PIGL: variants seen among roughly 807,000 people sequenced by gnomAD.
The protein encoded by PIGL is phosphatidylinositol glycan anchor biosynthesis class L, also known as N-acetylglucosaminyl-phosphatidylinositol de-N-acetylase.
PIGL carries 22 observed loss-of-function variants against 31.1 expected under a neutral mutation model. That is an observed-to-expected ratio of 0.71 (90% confidence interval 0.51 to 1.01). PIGL has a LOEUF of 1.01. Ranked by LOEUF, PIGL falls within the 50% of genes least tolerant of loss-of-function variation. The pLI, the probability that PIGL is intolerant of heterozygous loss-of-function variation, is 0.00. For missense variants in PIGL, 302 were observed against 315.9 expected (o/e 0.96, Z 0.33); for synonymous variants, 131 against 117.4 (o/e 1.12, Z -0.75).
chr17:16,245,127 G>A (rs2092739090), intron 2 of PIGL, among the ~76,000 whole-genome samples: 1 of 152,032 alleles, frequency 6.6e-6, no homozygotes, highest in Non-Finnish European at 1.5e-5. Flanking sequence ...CAGGAAGCTA[G>A]GATTACAGGT....
intron 2 of PIGL, among the ~76,000 whole-genome samples, chr17:16,292,243 A>G (rs112037317): frequency 5.8e-4 from 88 of 152,070 alleles, no homozygotes; most frequent in African/African-American, 2.0e-3. Flanking sequence ...CGTGTTGGCC[A>G]GGCTGGTCTC....
At chr17:16,303,908 G>A (rs1312202129) in intron 3 of PIGL, among the ~76,000 whole-genome samples, 1 of 152,044 alleles carries the variant, frequency 6.6e-6, no homozygotes, top group Non-Finnish European at 1.5e-5. Flanking sequence ...TAGAGACGGG[G>A]TTTCGCCGTG....
At chr17:16,230,463 C>A (rs1255450510) in intron 1 of PIGL, among the ~76,000 whole-genome samples, 2 of 152,292 alleles carry the variant, frequency 1.3e-5, no homozygotes, top group South Asian at 2.1e-4. Context: ...CTTGACATAG[C>A]ATCTAAATTC....
At chr17:16,277,144 G>A (rs535586918) in intron 2 of PIGL, among the ~76,000 whole-genome samples, 7 of 152,160 alleles carry the variant, frequency 4.6e-5, no homozygotes, top group Admixed American at 6.6e-5. Flanking sequence ...CAGGGACTAC[G>A]TAGACAATGT....
chr17:16,281,843 A>C (rs2092917669), intron 2 of PIGL, among the ~76,000 whole-genome samples: 1 of 152,324 alleles, frequency 6.6e-6, no homozygotes, highest in African/African-American at 2.4e-5. Flanking sequence ...CAGAAGCAGG[A>C]GCTCTGGTAC....
In PIGL at chr17:16,247,518, G is replaced by A. The variant is rs1460057695; in HGVS notation, c.335+13448G>A. Among the ~76,000 whole-genome samples the A allele has an allele frequency of 2.6e-5, 4 of 152,204 alleles. No individual in the cohort carries two copies. The East Asian group carries it at 7.7e-4, about 29-fold the overall frequency. On this transcript the variant is annotated intron_variant, in intron 2 of 6. Transcript: ENST00000225609. ...GAAATGGGTGACAGGCCCCAGGCAA[G>A]GCCAAAACCTAGGAAGGTAAACTCC...
At chr17:16,251,505 T>C (rs571623115) in intron 2 of PIGL, among the ~76,000 whole-genome samples, 1 of 151,952 alleles carries the variant, frequency 6.6e-6, no homozygotes, top group South Asian at 2.1e-4. Context: ...TTCCCCTTGT[T>C]CTGAACTTCA....
At chr17:16,227,287 T>C (rs535759914) in intron 1 of PIGL, among the ~76,000 whole-genome samples, 3 of 152,078 alleles carry the variant, frequency 2.0e-5, no homozygotes, top group African/African-American at 7.2e-5. Flanking sequence ...AATTTTGGTA[T>C]TTTTGTAGAG....
Position 16,313,626 on chromosome 17 carries a change from C to T in PIGL, c.494+12C>T, listed in dbSNP as rs373609110. 81 of 1,600,232 alleles carry T rather than the reference C, an allele frequency of 5.1e-5. No individual in the cohort carries two copies. Among genetic ancestry groups the T allele is most frequent in the Non-Finnish European group, 5.7e-5 (67 of 1,167,552 alleles). ...TATGCAGCTGTGAGGTATGATTCTC[C>T]GGGTGATGGATGTGGGGGAGGGTTT... is the stretch of plus-strand genomic sequence containing the variant. On this transcript the variant is annotated intron_variant, in intron 4 of 6. Coordinates refer to ENST00000225609, the MANE Select transcript of PIGL (RefSeq NM_004278.4).
chr17:16,229,893 C>T (rs1056572877), intron 1 of PIGL, among the ~76,000 whole-genome samples: 5 of 111,114 alleles, frequency 4.5e-5, no homozygotes, highest in Admixed American at 4.1e-4. Context: ...GACGGAGTCT[C>T]GCTCTGTCAC....
chr17:16,248,060 G>A (rs1337119439), intron 2 of PIGL, among the ~76,000 whole-genome samples: 1 of 152,146 alleles, frequency 6.6e-6, no homozygotes, highest in East Asian at 1.9e-4. Context: ...GCTAATTTTT[G>A]TGTTTTTAGT....
At chr17:16,323,395 G>A (rs1362338786) in intron 6 of PIGL, among the ~76,000 whole-genome samples, 1 of 151,844 alleles carries the variant, frequency 6.6e-6, no homozygotes, top group African/African-American at 2.4e-5. Context: ...CACCACGCCT[G>A]GCTAATTTTG....
chr17:16,315,298 C>A (rs1296028625), intron 4 of PIGL, among the ~76,000 whole-genome samples: 1 of 152,200 alleles, frequency 6.6e-6, no homozygotes, highest in Non-Finnish European at 1.5e-5. Flanking sequence ...TCATCTCTTG[C>A]CTGCTAAATT....
intron 1 of PIGL, among the ~76,000 whole-genome samples, chr17:16,223,780 A>C (rs144511571): frequency 1.3e-5 from 2 of 152,096 alleles, no homozygotes; most frequent in African/African-American, 4.8e-5. Flanking sequence ...TTGGAAGGAA[A>C]GATTGGAGTC....
At chr17:16,260,533 T>C (rs900797162) in intron 2 of PIGL, among the ~76,000 whole-genome samples, 1 of 152,144 alleles carries the variant, frequency 6.6e-6, no homozygotes, top group African/African-American at 2.4e-5. Context: ...ATGATTTGCC[T>C]GCGAATAGGA....
chr17:16,238,743 T>C (rs2092710108), intron 2 of PIGL, among the ~76,000 whole-genome samples: 1 of 150,404 alleles, frequency 6.6e-6, no homozygotes, highest in Non-Finnish European at 1.5e-5. Flanking sequence ...ACCCCGTCTC[T>C]ACTAAAAATA....
At chr17:16,319,542 C>A (rs2093093860) in intron 6 of PIGL, among the ~76,000 whole-genome samples, 1 of 152,038 alleles carries the variant, frequency 6.6e-6, no homozygotes, top group African/African-American at 2.4e-5. Flanking sequence ...ATTGTCTGAG[C>A]TCAGGAGTTT....
intron 1 of PIGL, among the ~76,000 whole-genome samples, chr17:16,233,688 T>C (rs2092688004): frequency 6.6e-6 from 1 of 152,176 alleles, no homozygotes; most frequent in African/African-American, 2.4e-5. Context: ...CTTGGCTGTG[T>C]ACCATGCTGC....
At chr17:16,252,066 C>CTTTTTTTTTTTTTTTTTTTTTTTTTTT (rs66540057) in intron 2 of PIGL, among the ~76,000 whole-genome samples, 1 of 123,838 alleles carries the variant, frequency 8.1e-6, no homozygotes, top group Non-Finnish European at 1.6e-5. Flanking sequence ...TTTTTTTTTC[C>CTTTTTTTTTTTTTTTTTTTTTTTTTTT]TTTTTTTTTT....
Sources: gnomAD v4.1 joint callset for allele counts (sites outside exome capture counted in the v4.1 genomes callset) on GRCh38, gnomAD v4.1.1 for gene constraint, MANE v1.5 for transcripts, NCBI Gene and HGNC (gene_info 2026-07-23, HGNC 2026-07-21) for gene names.